The following LRRC58 variants were observed in gnomAD, a reference collection of about 807,000 sequenced individuals.
The protein encoded by LRRC58 is leucine-rich repeat-containing protein 58.
Under a neutral mutation model 30.6 loss-of-function variants are expected in LRRC58, and 18 were observed. The observed-to-expected ratio is 0.59, with a 90% confidence interval of 0.41 to 0.87. The LOEUF is 0.87. LRRC58 is among the 40% of genes least tolerant of loss of function. The pLI is 0.00. For missense variants in LRRC58, 420 were observed against 468.4 expected, an observed-to-expected ratio of 0.90 and a Z score of 0.95; for synonymous variants, 221 against 206.0, an observed-to-expected ratio of 1.07 and a Z score of -0.62.
At chr3:120,333,278 A>G (rs780165095) in intron 3 of LRRC58, among the ~76,000 whole-genome samples, 2 of 152,210 alleles carry the variant, frequency 1.3e-5, no homozygotes, top group African/African-American at 4.8e-5. Flanking sequence ...TTAAGAGAGA[A>G]AAGAGAATTC....
Position 120,349,113 on chromosome 3 carries a change from T to G in LRRC58, c.131A>C (p.Glu44Ala), listed in dbSNP as rs1486322966. 6 of 1,509,166 alleles carry G rather than the reference T, an allele frequency of 4.0e-6. No individual in the cohort carries two copies. In the South Asian group the frequency reaches 4.9e-5, roughly 12 times the overall value. 93.5% of individuals were successfully genotyped at this position (1,509,166 alleles called of 1,614,324 possible). A position where few individuals can be genotyped will look rare whatever the true frequency, so the allele number is the denominator to read the frequency against. Residue 44 changes from glutamate to alanine, a missense_variant, in exon 1 of 4, where the codon GAG (glutamate) becomes GCG (alanine). Glu to Ala is a moderately radical substitution (Grantham distance 107). Around this residue, in one of 2 missense-constraint regions of LRRC58, gnomAD observed 266 missense variants for 251.7 expected, o/e 1.06. Transcript: ENST00000295628. ...ARGEERRGAREALLRLLLPHN... is the reference protein window; with the variant it reads ...ARGEERRGARAALLRLLLPHN... Reference sequence around the variant, plus strand: ...AGGCAGCAGCAGCCGCAGCAGCGCCTCCCGCGCCCCGCGCCGCTCCTCCCC... The same window carrying G: ...AGGCAGCAGCAGCCGCAGCAGCGCCGCCCGCGCCCCGCGCCGCTCCTCCCC...
In LRRC58 at chr3:120,327,119, T is replaced by C. The variant is rs11554681; in HGVS notation, c.*4081A>G. The C allele has an allele frequency of 0.51, 77,689 of 152,048 alleles. 20,218 individuals carry two copies. The highest frequency in any genetic ancestry group is 0.67 in the East Asian group (3,485 of 5,180). The allele number at this position is 152,048 out of a possible 1,614,324, so 9.4% of individuals were successfully genotyped here. A position where few individuals can be genotyped will look rare whatever the true frequency, so the allele number is the denominator to read the frequency against. On this transcript the variant is annotated 3_prime_UTR_variant, in exon 4 of 4. Transcript: ENST00000295628. ...TTTGGTGATAAAGGTTTTTGGATGG[T>C]AGTCAGTAGGCCACTCAATAACTTA...
chr3:120,346,844 C>T (rs887178780), intron 1 of LRRC58, among the ~76,000 whole-genome samples: 1 of 152,216 alleles, frequency 6.6e-6, no homozygotes, highest in Non-Finnish European at 1.5e-5. Flanking sequence ...ACCCTCTCCT[C>T]ACTCCATTCT....
intron 2 of LRRC58, 42 bp from the exon 3 acceptor site, chr3:120,335,181 G>C (rs372883505): frequency 9.8e-6 from 15 of 1,535,358 alleles, no homozygotes; most frequent in Middle Eastern, 1.7e-4. Flanking sequence ...AGTAAACAAC[G>C]TAACTATCAA....
Position 120,335,015 on chromosome 3 carries a change from C to G in LRRC58, c.754G>C (p.Val252Leu). The G allele has an allele frequency of 1.2e-6, 2 of 1,613,886 alleles. No individual in the cohort carries two copies. Among genetic ancestry groups the G allele is most frequent in the Non-Finnish European group, 1.7e-6 (2 of 1,179,852 alleles). The change falls in exon 3 of 4, where the codon GTT becomes CTT. Residue 252 changes from valine to leucine, a missense_variant. Val to Leu is a conservative substitution (Grantham distance 32). Coordinates refer to ENST00000295628, the MANE Select transcript of LRRC58 (RefSeq NM_001099678.2). The part of the protein sequence containing the change: ...LRGNPLVVRF[V>L]RDLTYDPPTL... ...GGAGGATCATAGGTTAAATCTCTAACAAAACGAACAACCAATGGATTTCCT... is the reference window on the plus strand; with the variant it reads ...GGAGGATCATAGGTTAAATCTCTAAGAAAACGAACAACCAATGGATTTCCT...
At chr3:120,338,637 A>G (rs1935865768) in intron 1 of LRRC58, among the ~76,000 whole-genome samples, 1 of 152,224 alleles carries the variant, frequency 6.6e-6, no homozygotes, top group Non-Finnish European at 1.5e-5. Flanking sequence ...ACCCCAATGG[A>G]AAAGTGATTG....
intron 3 of LRRC58, 63 bp from the exon 4 acceptor site, chr3:120,331,471 C>T (rs1935756697): frequency 1.6e-6 from 2 of 1,286,998 alleles, no homozygotes; most frequent in Admixed American, 1.8e-5. Flanking sequence ...CTTTTTCAGC[C>T]CTTTCTCCAG....
intron 1 of LRRC58, among the ~76,000 whole-genome samples, chr3:120,342,883 C>G (rs1935921746): frequency 6.6e-6 from 1 of 152,230 alleles, no homozygotes; most frequent in Admixed American, 6.5e-5. Flanking sequence ...GGACCCTGAT[C>G]TTGGAATTCC....
chr3:120,348,813 G>A lies in LRRC58; in HGVS notation c.431C>T (p.Ala144Val), dbSNP rs759033325. The change falls in exon 1 of 4, where the codon GCG (alanine) becomes GTG (valine). Residue 144 changes from alanine to valine, a missense_variant. Ala to Val is a moderately conservative substitution (Grantham distance 64). Transcript: ENST00000295628. Reference protein sequence around the residue: ...EVPASLLELRALQTLSLGGNQ... With the variant: ...EVPASLLELRVLQTLSLGGNQ... Reference sequence around the variant, plus strand: ...GCCGCCCAGGCTCAGGGTCTGCAGCGCGCGCAGCTCTAAGAGCGAGGCAGG... The same window carrying A: ...GCCGCCCAGGCTCAGGGTCTGCAGCACGCGCAGCTCTAAGAGCGAGGCAGG... The A allele has an allele frequency of 2.5e-6, 4 of 1,607,512 alleles. No homozygotes were observed. Among genetic ancestry groups the A allele is most frequent in the Non-Finnish European group, 2.5e-6 (3 of 1,177,704 alleles).
Position 120,333,449 on chromosome 3 carries a change from C to T in LRRC58, c.907+1413G>A, listed in dbSNP as rs535804722. On this transcript the variant is annotated intron_variant, in intron 3 of 3. Coordinates refer to ENST00000295628, the MANE Select transcript of LRRC58 (RefSeq NM_001099678.2). ...GAAAAGCACAGTGCTGCAATCTCTA[C>T]TTCTAAGAGTGGGTGGCCAGAAATG... 1.6e-4 allele frequency among the ~76,000 whole-genome samples: 24 copies of T among 152,352 alleles called. No individual in the cohort carries two copies. In the South Asian group the frequency reaches 4.8e-3, roughly 30 times the overall value.
intron 1 of LRRC58, among the ~76,000 whole-genome samples, chr3:120,344,345 C>T (rs1046539115): frequency 2.0e-5 from 3 of 152,182 alleles, no homozygotes; most frequent in African/African-American, 7.2e-5. Context: ...CATCTCTTGA[C>T]ACTTGCCCCA....
chr3:120,339,248 C>T (rs767954306), intron 1 of LRRC58, among the ~76,000 whole-genome samples: 1 of 152,038 alleles, frequency 6.6e-6, no homozygotes, highest in Non-Finnish European at 1.5e-5. Context: ...CTTCAATTTT[C>T]GTTGTACTCT....
At position 120,330,367 on chromosome 3, in the gene LRRC58, G is replaced by A. The variant is rs1935737436; in HGVS notation, c.*833C>T. ...ACATTTAAACAAAAAAATGTTAAGA[G>A]GGCCATGAGATCGGATATTAGATAC... On this transcript the variant is annotated 3_prime_UTR_variant, in exon 4 of 4. Transcript: ENST00000295628. The A allele has an allele frequency of 6.6e-6, 1 of 152,050 alleles. No individual in the cohort carries two copies. The highest frequency in any genetic ancestry group is 2.1e-4 in the South Asian group (1 of 4,828). The allele number at this position is 152,050 out of a possible 1,614,324, so 9.4% of individuals were successfully genotyped here. A position where few individuals can be genotyped will look rare whatever the true frequency, so the allele number is the denominator to read the frequency against.
chr3:120,346,322 A>G (rs6438578), intron 1 of LRRC58, among the ~76,000 whole-genome samples: 124,854 of 152,108 alleles, frequency 0.82, 51,731 homozygotes, highest in African/African-American at 0.95. Context: ...CCAACCCCCC[A>G]ACAAAGATTC....
chr3:120,345,807 G>T (rs955916368), intron 1 of LRRC58, among the ~76,000 whole-genome samples: 1 of 152,204 alleles, frequency 6.6e-6, no homozygotes, highest in Non-Finnish European at 1.5e-5. Context: ...AAACAGTGAC[G>T]TTAAAGATAT....
intron 1 of LRRC58, 93 bp downstream of exon 1, chr3:120,348,651 T>G (rs1936007790): frequency 7.3e-7 from 1 of 1,370,346 alleles, no homozygotes; most frequent in Non-Finnish European, 9.7e-7. Context: ...TGGAAATAGT[T>G]ACGTGACAAA....
chr3:120,339,360 A>G (rs1020057058), intron 1 of LRRC58, among the ~76,000 whole-genome samples: 1 of 152,108 alleles, frequency 6.6e-6, no homozygotes, highest in Non-Finnish European at 1.5e-5. Flanking sequence ...TTTTATTTCC[A>G]ATCAGTACAT....
intron 1 of LRRC58, among the ~76,000 whole-genome samples, chr3:120,343,188 G>C (rs1281107070): frequency 6.6e-6 from 1 of 152,154 alleles, no homozygotes. Context: ...TGCAATTGAT[G>C]AATAACACTA....
At chr3:120,336,972 A>C (rs948018712) in intron 1 of LRRC58, among the ~76,000 whole-genome samples, 2 of 151,882 alleles carry the variant, frequency 1.3e-5, no homozygotes, top group Non-Finnish European at 2.9e-5. Flanking sequence ...CTGCTAACTC[A>C]GTAGAACTAC....
Sources: allele counts gnomAD v4.1 joint callset (sites outside exome capture counted in the v4.1 genomes callset), GRCh38; gene constraint gnomAD v4.1.1; regional missense constraint gnomAD v4.1.1; transcripts MANE v1.5; gene names NCBI Gene and HGNC (gene_info 2026-07-23, HGNC 2026-07-21).